The following SLC7A5 variants were observed in gnomAD, a reference collection of about 807,000 sequenced individuals.
SLC7A5 encodes the protein large neutral amino acids transporter small subunit 1.
In SLC7A5, 23 loss-of-function variants were observed where a neutral mutation model predicts 50.2. The observed-to-expected ratio is 0.46, with a 90% CI of 0.33 to 0.65. SLC7A5 has a LOEUF of 0.65. Among genes scored for constraint, SLC7A5 ranks in the 30% least tolerant of loss-of-function variants. The probability of loss-of-function intolerance (pLI) is 0.02; values close to 1 mark genes in which losing one functional copy is unlikely to be tolerated. For missense variants in SLC7A5, 578 were observed against 684.4 expected (o/e 0.84, Z 1.73); for synonymous variants, 393 against 330.6 (o/e 1.19, Z -2.05).
At chr16:87,849,794 G>A (rs930899446) in intron 2 of SLC7A5, among the ~76,000 whole-genome samples, 1 of 152,088 alleles carries the variant, frequency 6.6e-6, no homozygotes, top group Non-Finnish European at 1.5e-5. Flanking sequence ...GCCAGCTCTT[G>A]GGTGGCTCTG....
Position 87,869,440 on chromosome 16 carries a change from G to A in SLC7A5, c.-18C>T, listed in dbSNP as rs548186892. The A allele has an allele frequency of 6.4e-6, 9 of 1,400,110 alleles. No homozygotes were observed. Among genetic ancestry groups the A allele is most frequent in the African/African-American group, 1.5e-5 (1 of 65,238 alleles). The allele number at this position is 1,400,110 out of a possible 1,614,324, so 86.7% of individuals were successfully genotyped here. A position where few individuals can be genotyped will look rare whatever the true frequency, so the allele number is the denominator to read the frequency against. ...CCCGCCATGCTCTGCGCACCGGCCG[G>A]GCCTGGGACACCCGGGAGCCGCGGC... On this transcript the variant is annotated 5_prime_UTR_variant, in exon 1 of 10. Coordinates refer to ENST00000261622, the MANE Select transcript of SLC7A5 (RefSeq NM_003486.7).
chr16:87,835,723 C>T (rs1214186773), intron 8 of SLC7A5, among the ~76,000 whole-genome samples: 1 of 152,164 alleles, frequency 6.6e-6, no homozygotes, highest in African/African-American at 2.4e-5. Flanking sequence ...ATCTGCCCGC[C>T]TCGGCCTCCC....
intron 1 of SLC7A5, among the ~76,000 whole-genome samples, chr16:87,867,579 G>T (rs1415321965): frequency 3.4e-4 from 51 of 151,844 alleles, no homozygotes; most frequent in Admixed American, 3.3e-3. Flanking sequence ...CCAAAGTACG[G>T]TGTGGCAGAA....
intron 2 of SLC7A5, among the ~76,000 whole-genome samples, chr16:87,846,505 G>C (rs1211090414): frequency 6.6e-6 from 1 of 152,224 alleles, no homozygotes; most frequent in East Asian, 1.9e-4. Context: ...CGTGGACATG[G>C]GGCCTCTACA....
In SLC7A5 at chr16:87,869,366, C is replaced by T. The variant is rs748218183; in HGVS notation, c.57G>A (p.Lys19=). Residue 19 remains lysine (K), a synonymous_variant, in exon 1 of 10, where the codon AAG becomes AAA. Coordinates refer to ENST00000261622, the MANE Select transcript of SLC7A5 (RefSeq NM_003486.7). ...RALAAPAAEE[K]EEAREKMLAA... is the part of the protein sequence containing the mutation. ...CCAGCATCTTCTCCCGCGCCTCTTC[C>T]TTCTCCTCGGCCGCCGGCGCCGCTA... 6.2e-7 allele frequency: 1 copy of T among 1,606,130 alleles called. No homozygotes were observed. Among genetic ancestry groups the T allele is most frequent in the South Asian group, 1.1e-5 (1 of 90,818 alleles).
In SLC7A5 at chr16:87,866,097, G is replaced by C. The variant is rs190261168; in HGVS notation, c.538+2788C>G. ...CCAAATGCCCTCCACAGGGTTCTAT[G>C]GGGGGGCGGGGGTGCGGTGAGCACA... On this transcript the variant is annotated intron_variant, in intron 1 of 9. Coordinates refer to ENST00000261622, the MANE Select transcript of SLC7A5 (RefSeq NM_003486.7). Among the ~76,000 whole-genome samples the C allele has an allele frequency of 8.1e-4, 124 of 152,156 alleles. 1 individual carries two copies. In the East Asian group the frequency reaches 0.023, roughly 28 times the overall value.
In SLC7A5 at chr16:87,832,979, C is replaced by A; in HGVS notation, c.1515G>T (p.Gln505His). Residue 505 changes from glutamine (Q) to histidine (H), a missense_variant, in exon 10 of 10, where the codon CAG becomes CAT. Gln to His is a conservative substitution (Grantham distance 24, BLOSUM62 0). This residue lies in a region of SLC7A5 where 465 missense variants were observed against 594.6 expected (regional missense o/e 0.78). Transcript: ENST00000261622. The surrounding 1 kb of genome is among the most constrained non-coding windows in gnomAD (Gnocchi z 4.6). The stretch of plus-strand genomic sequence containing the variant: ...CCACTCGGCCTCCTGGCTATGTCTC[C>A]TGGGGGACCACCTGCATGAGCTTCT... ...LCQKLMQVVPQET is the reference protein window; with the variant it reads ...LCQKLMQVVPHET 1 of 1,613,866 alleles carries A rather than the reference C, an allele frequency of 6.2e-7. No homozygotes were observed. The highest frequency in any genetic ancestry group is 1.1e-5 in the South Asian group (1 of 91,084).
chr16:87,865,654 C>T (rs1489070000), intron 1 of SLC7A5, among the ~76,000 whole-genome samples: 1 of 152,054 alleles, frequency 6.6e-6, no homozygotes, highest in Non-Finnish European at 1.5e-5. Context: ...TTGTAGTGAG[C>T]CAAGATCGTG....
At chr16:87,842,185 A>T (rs560696785) in intron 2 of SLC7A5, among the ~76,000 whole-genome samples, 2 of 152,186 alleles carry the variant, frequency 1.3e-5, no homozygotes, top group Admixed American at 6.5e-5. Flanking sequence ...CTGGAGGCAC[A>T]AGTGGAAATC....
chr16:87,838,827 C>A lies in SLC7A5; in HGVS notation c.940-10G>T, dbSNP rs758748906. The A allele has an allele frequency of 1.2e-6, 2 of 1,608,818 alleles. No individual in the cohort carries two copies. The highest frequency in any genetic ancestry group is 1.7e-4 in the Middle Eastern group (1 of 6,060). On this transcript the variant is annotated splice_polypyrimidine_tract_variant and intron_variant, in intron 5 of 9. Coordinates refer to ENST00000261622, the MANE Select transcript of SLC7A5 (RefSeq NM_003486.7). ...GATAGTTCCCGAAGTCCTAGGCAGGCACAACCAGTGAGCTGGGCCCCACCG... is the reference window on the plus strand; with the variant it reads ...GATAGTTCCCGAAGTCCTAGGCAGGAACAACCAGTGAGCTGGGCCCCACCG...
rs1296582548 is a variant in SLC7A5 at position 87,860,496 on chromosome 16, C to G, written c.538+8389G>C. On this transcript the variant is annotated intron_variant, in intron 1 of 9. Coordinates refer to ENST00000261622, the MANE Select transcript of SLC7A5 (RefSeq NM_003486.7). This position sits in a 1 kb window ranked among gnomAD's most constrained non-coding sequence, Gnocchi z 4.8. ...GTCCCGCCTTTCTCGGCAGAACCAA[C>G]AAATACCTTTCATGTACTGACTGAT... Among the ~76,000 whole-genome samples the G allele has an allele frequency of 2.6e-5, 4 of 152,038 alleles. No homozygotes were observed. Among genetic ancestry groups the G allele is most frequent in the Non-Finnish European group, 5.9e-5 (4 of 68,010 alleles).
rs1386452410 is a variant in SLC7A5, at chr16:87,860,922, C to T, written c.538+7963G>A. Reference sequence around the variant, plus strand: ...CAGGGAGAGACGCCTCCCACACTCCCGGAGGCACGCACGTGCTGTGGCCAC... The same window carrying T: ...CAGGGAGAGACGCCTCCCACACTCCTGGAGGCACGCACGTGCTGTGGCCAC... On this transcript the variant is annotated intron_variant, in intron 1 of 9. Coordinates refer to ENST00000261622, the MANE Select transcript of SLC7A5 (RefSeq NM_003486.7). The surrounding 1 kb of genome is among the most constrained non-coding windows in gnomAD (Gnocchi z 4.8). Among the ~76,000 whole-genome samples the T allele has an allele frequency of 2.6e-5, 4 of 152,198 alleles. No homozygotes were observed. The highest frequency in any genetic ancestry group is 2.0e-4 in the Admixed American group (3 of 15,288).
In SLC7A5 at chr16:87,834,516, C is replaced by T. The variant is rs199533734; in HGVS notation, c.1366G>A (p.Val456Met). ...ATGGTGAAGCCGATGCCACACTCCA[C>T]GGGTGTCTTCCAGAAGGAGACGGCG... is the stretch of plus-strand genomic sequence containing the variant. ...LIAVSFWKTP[V>M]ECGIGFTIIL... is the part of the protein sequence containing the mutation. The change falls in exon 9 of 10, where the codon GTG becomes ATG. Residue 456 changes from valine to methionine, a missense_variant. Physicochemically the swap from Val to Met is conservative, Grantham distance 21. Around this residue, in one of 2 missense-constraint regions of SLC7A5, gnomAD observed 465 missense variants for 594.6 expected, o/e 0.78. Coordinates refer to ENST00000261622, the MANE Select transcript of SLC7A5 (RefSeq NM_003486.7). 6.7e-5 allele frequency: 107 copies of T among 1,595,616 alleles called. No individual in the cohort carries two copies. Among genetic ancestry groups the T allele is most frequent in the African/African-American group, 1.9e-4 (14 of 74,944 alleles).
intron 2 of SLC7A5, among the ~76,000 whole-genome samples, chr16:87,848,803 G>A (rs1268335381): frequency 6.6e-6 from 1 of 152,230 alleles, no homozygotes; most frequent in East Asian, 1.9e-4. Context: ...CTGGATGCGG[G>A]GCCATGTTCT....
rs529581847 is a variant in SLC7A5 at position 87,853,656 on chromosome 16, G to A, written c.539-1807C>T. ...TGCCAGTCCCATTTCCTTATGGTTG[G>A]GGGGAGCACGACCATAAAAGAAACT... On this transcript the variant is annotated intron_variant, in intron 1 of 9. Coordinates refer to ENST00000261622, the MANE Select transcript of SLC7A5 (RefSeq NM_003486.7). The surrounding 1 kb of genome is among the most constrained non-coding windows in gnomAD (Gnocchi z 4.4). Among the ~76,000 whole-genome samples, 8 of 151,428 alleles carry A rather than the reference G, an allele frequency of 5.3e-5. No individual in the cohort carries two copies. The highest frequency in any genetic ancestry group is 1.0e-4 in the Non-Finnish European group (7 of 68,036).
chr16:87,846,421 G>A (rs2055154790), intron 2 of SLC7A5, among the ~76,000 whole-genome samples: 1 of 152,266 alleles, frequency 6.6e-6, no homozygotes, highest in African/African-American at 2.4e-5. Flanking sequence ...TTTCCTGCCA[G>A]GAGAGCGGGG....
chr16:87,864,623 T>G (rs2055439085), intron 1 of SLC7A5, among the ~76,000 whole-genome samples: 1 of 152,236 alleles, frequency 6.6e-6, no homozygotes. Flanking sequence ...CGGTGACAGA[T>G]GAATAAAGTA....
At position 87,832,894 on chromosome 16, in the gene SLC7A5, C is replaced by A; in HGVS notation, c.*76G>T. The A allele has an allele frequency of 2.5e-6, 3 of 1,215,084 alleles. No individual in the cohort carries two copies. The highest frequency in any genetic ancestry group is 3.7e-6 in the Non-Finnish European group (3 of 818,270). The allele number at this position is 1,215,084 out of a possible 1,614,324, so 75.3% of individuals were successfully genotyped here. ...AGCTGAGCTGTGGGTTGCGGGGAAC[C>A]GGAGTGGGTTCGAGGAGGTGATCTA... On this transcript the variant is annotated 3_prime_UTR_variant, in exon 10 of 10. Transcript: ENST00000261622. This position sits in a 1 kb window ranked among gnomAD's most constrained non-coding sequence, Gnocchi z 4.6.
At chr16:87,836,276 G>A (rs1355884776) in intron 8 of SLC7A5, among the ~76,000 whole-genome samples, 4 of 152,260 alleles carry the variant, frequency 2.6e-5, no homozygotes, top group Admixed American at 2.6e-4. Flanking sequence ...CAAGCTCTGT[G>A]CCATCTGCTG....
Sources: allele counts gnomAD v4.1 joint callset (sites outside exome capture counted in the v4.1 genomes callset), GRCh38; gene constraint gnomAD v4.1.1; regional missense constraint gnomAD v4.1.1; non-coding constraint Gnocchi (gnomAD v3.1); transcripts MANE v1.5; gene names NCBI Gene and HGNC (gene_info 2026-07-23, HGNC 2026-07-21).